Variants in FRYL observed in about 807,000 individuals in gnomAD.
FRYL encodes protein furry homolog-like.
FRYL carries 150 observed loss-of-function variants against 351.2 expected under a neutral mutation model. The observed-to-expected ratio is 0.43, with a 90% confidence interval of 0.37 to 0.49. FRYL has a LOEUF of 0.49. Among genes scored for constraint, FRYL ranks in the 20% least tolerant of loss-of-function variants. The probability of loss-of-function intolerance (pLI) is 0.00; values close to 1 mark genes in which losing one functional copy is unlikely to be tolerated. For synonymous variants in FRYL, 1,153 were observed against 1,257.1 expected, an observed-to-expected ratio of 0.92 and a Z score of 1.75; for missense variants, 3,036 against 3,619.3, an observed-to-expected ratio of 0.84 and a Z score of 4.13.
chr4:48,592,572 T>C (rs1743641499), intron 16 of FRYL, among the ~76,000 whole-genome samples: 1 of 152,182 alleles, frequency 6.6e-6, no homozygotes, highest in Non-Finnish European at 1.5e-5. Flanking sequence ...GAGTGAATAT[T>C]TTCTTAAAAT....
chr4:48,644,296 T>G (rs1192977261), intron 3 of FRYL, among the ~76,000 whole-genome samples: 2 of 152,054 alleles, frequency 1.3e-5, no homozygotes, highest in Admixed American at 6.6e-5. Context: ...AGATCTATAT[T>G]ACAGTATACA....
At chr4:48,556,668 G>A (rs940190178) in intron 35 of FRYL, among the ~76,000 whole-genome samples, 1 of 151,988 alleles carries the variant, frequency 6.6e-6, no homozygotes, top group Non-Finnish European at 1.5e-5. Flanking sequence ...TTTTTTTATA[G>A]CCTTTATCAC....
At chr4:48,732,302 A>G (rs1256887908) in intron 1 of FRYL, among the ~76,000 whole-genome samples, 1 of 152,202 alleles carries the variant, frequency 6.6e-6, no homozygotes, top group Non-Finnish European at 1.5e-5. Context: ...CTGTGGAAAA[A>G]TAGGAATGCT....
In FRYL at chr4:48,540,626, C is replaced by G. The variant is rs746446758; in HGVS notation, c.6022G>C (p.Ala2008Pro). Reference sequence around the variant, plus strand: ...TCATAATCTGATTCTAATAAAGATGCTGCTATCCAAAAAATGGTGGCCATC... The same window carrying G: ...TCATAATCTGATTCTAATAAAGATGGTGCTATCCAAAAAATGGTGGCCATC... Reference protein sequence around the residue: ...NLMATIFWIAASLLESDYEYE... With the variant: ...NLMATIFWIAPSLLESDYEYE... Residue 2008 changes from alanine (A) to proline (P), a missense_variant, in exon 46 of 64, where the codon GCA becomes CCA. Coordinates refer to ENST00000358350, the MANE Select transcript of FRYL (RefSeq NM_015030.2). 40 of 1,613,936 alleles carry G rather than the reference C, an allele frequency of 2.5e-5. No individual in the cohort carries two copies. Among genetic ancestry groups the G allele is most frequent in the Non-Finnish European group, 3.3e-5 (39 of 1,179,936 alleles).
chr4:48,595,732 A>G (rs747841358), intron 14 of FRYL, 34 bp from the exon 15 acceptor site: 2 of 1,421,678 alleles, frequency 1.4e-6, no homozygotes, highest in Non-Finnish European at 2.0e-6. Flanking sequence ...TAGTGAGATC[A>G]TAACATCAAC....
intron 55 of FRYL, among the ~76,000 whole-genome samples, chr4:48,517,383 G>A (rs748150853): frequency 4.7e-4 from 71 of 152,128 alleles, no homozygotes; most frequent in Non-Finnish European, 2.2e-4. Context: ...TATTTTATCT[G>A]TAGTTAGTAT....
At chr4:48,620,061 CT>C (rs1217957898) in intron 6 of FRYL, among the ~76,000 whole-genome samples, 1 of 152,184 alleles carries the variant, frequency 6.6e-6, no homozygotes, top group Non-Finnish European at 1.5e-5. Context: ...AGGTATCCTT[CT>C]CACAAATTTA....
At chr4:48,757,767 T>C (rs4694903) in intron 1 of FRYL, among the ~76,000 whole-genome samples, 150,480 of 152,262 alleles carry the variant, frequency 0.99, 74,379 homozygotes, top group East Asian at 1. Flanking sequence ...AAAAAGAGCC[T>C]GCATCGCCAA....
intron 35 of FRYL, among the ~76,000 whole-genome samples, chr4:48,555,718 C>T (rs998321433): frequency 5.3e-5 from 8 of 152,158 alleles, no homozygotes; most frequent in African/African-American, 1.2e-4. Context: ...CGTGCGGTAA[C>T]GTTGTCTTGT....
chr4:48,602,143 CAG>C, intron 12 of FRYL, 22 bp from the exon 13 acceptor site: 1 of 1,204,664 alleles, frequency 8.3e-7, no homozygotes. Context: ...GGGGAAAAGA[CAG>C]AATTAACATT....
chr4:48,514,395 A>C (rs1158560468), intron 56 of FRYL, among the ~76,000 whole-genome samples: 1 of 152,170 alleles, frequency 6.6e-6, no homozygotes, highest in African/African-American at 2.4e-5. Context: ...GTTTCGTAAC[A>C]GCCACCAAAA....
intron 35 of FRYL, 145 bp downstream of exon 35, chr4:48,556,833 A>C: frequency 1.7e-6 from 1 of 592,438 alleles, no homozygotes; most frequent in Admixed American, 2.9e-5. Context: ...CAGTGAATAA[A>C]TCCATGTGCT....
intron 1 of FRYL, among the ~76,000 whole-genome samples, chr4:48,718,961 T>A (rs894926045): frequency 1.1e-4 from 16 of 151,446 alleles, no homozygotes; most frequent in African/African-American, 3.6e-4. Flanking sequence ...TCCTGAACTA[T>A]CAGCCATTTG....
intron 7 of FRYL, 141 bp downstream of exon 7, chr4:48,619,133 T>G: frequency 1.6e-6 from 1 of 618,584 alleles, no homozygotes; most frequent in Non-Finnish European, 2.8e-6. Context: ...CCCAGGCAAC[T>G]GAAAGAAGTA....
At chr4:48,541,465 A>G (rs574199971) in intron 45 of FRYL, among the ~76,000 whole-genome samples, 2 of 152,348 alleles carry the variant, frequency 1.3e-5, no homozygotes, top group East Asian at 3.9e-4. Flanking sequence ...ATATTAGACA[A>G]GTCTTTTGAA....
chr4:48,562,617 C>T (rs1735776076), intron 32 of FRYL, among the ~76,000 whole-genome samples: 2 of 152,136 alleles, frequency 1.3e-5, no homozygotes, highest in Admixed American at 1.3e-4. Flanking sequence ...TACATGGACA[C>T]ATATTTATAA....
chr4:48,529,673 A>G (rs1308770914), intron 50 of FRYL, among the ~76,000 whole-genome samples: 1 of 152,226 alleles, frequency 6.6e-6, no homozygotes, highest in Non-Finnish European at 1.5e-5. Context: ...CAAAAAAGTA[A>G]GTAGAGCTTC....
chr4:48,645,234 C>T (rs930577275), intron 3 of FRYL, among the ~76,000 whole-genome samples: 6 of 149,288 alleles, frequency 4.0e-5, no homozygotes, highest in East Asian at 2.0e-4. Flanking sequence ...CTTAACACAG[C>T]GCTGATAAAA....
Position 48,561,552 on chromosome 4 carries a change from G to A in FRYL, c.3781C>T (p.Pro1261Ser), listed in dbSNP as rs780907587. The change falls in exon 33 of 64, where the codon CCA (proline) becomes TCA (serine). Residue 1261 changes from proline to serine, a missense_variant. Coordinates refer to ENST00000358350, the MANE Select transcript of FRYL (RefSeq NM_015030.2). ...TAATATGAAACAGAATAGAGATGTG[G>A]TAGAGGAGACAGCTGGCTGAGTACT... ...DGVLSQLSPL[P>S]HLYSVSYYQL... 6.2e-7 allele frequency: 1 copy of A among 1,612,780 alleles called. No homozygotes were observed. The highest frequency in any genetic ancestry group is 8.5e-7 in the Non-Finnish European group (1 of 1,179,012).
Sources: gnomAD v4.1 joint callset for allele counts (sites outside exome capture counted in the v4.1 genomes callset) on GRCh38, gnomAD v4.1.1 for gene constraint, MANE v1.5 for transcripts, NCBI Gene and HGNC (gene_info 2026-07-23, HGNC 2026-07-21) for gene names.